Variants in KCNT2 observed in about 807,000 individuals in gnomAD.
The protein encoded by KCNT2 is potassium sodium-activated channel subfamily T member 2.
Under a neutral mutation model 153.8 loss-of-function variants are expected in KCNT2, and 67 were observed. The ratio of observed to expected loss-of-function variants is 0.44; its 90% confidence interval spans 0.36 to 0.53. The LOEUF is 0.53. KCNT2 is among the 20% of genes least tolerant of loss of function. The pLI, the probability that KCNT2 is intolerant of heterozygous loss-of-function variation, is 0.00. For missense variants in KCNT2, 975 were observed against 1,354.8 expected (o/e 0.72, Z 4.40); for synonymous variants, 500 against 458.8 (o/e 1.09, Z -1.15).
intron 8 of KCNT2, among the ~76,000 whole-genome samples, chr1:196,458,866 G>A (rs1289149227): frequency 2.0e-5 from 3 of 151,798 alleles, no homozygotes; most frequent in Non-Finnish European, 4.4e-5. Flanking sequence ...CACAGTTACT[G>A]GAAAAACTTA....
intron 1 of KCNT2, among the ~76,000 whole-genome samples, chr1:196,601,295 C>A (rs1664691537): frequency 6.6e-6 from 1 of 152,218 alleles, no homozygotes; most frequent in Non-Finnish European, 1.5e-5. Context: ...CATCTTCAAT[C>A]ATGCTCTCTC....
intron 22 of KCNT2, among the ~76,000 whole-genome samples, chr1:196,286,662 C>T (rs1659694906): frequency 6.6e-6 from 1 of 151,558 alleles, no homozygotes; most frequent in Admixed American, 6.6e-5. Flanking sequence ...CACACACACA[C>T]ACGTTGTTTA....
intron 11 of KCNT2, among the ~76,000 whole-genome samples, chr1:196,425,045 A>C (rs1172712535): frequency 6.6e-6 from 1 of 152,038 alleles, no homozygotes; most frequent in African/African-American, 2.4e-5. Context: ...GGACAACTCA[A>C]GGGTAAACAT....
chr1:196,356,255 A>T (rs1386289787), intron 14 of KCNT2, among the ~76,000 whole-genome samples: 1 of 151,738 alleles, frequency 6.6e-6, no homozygotes, highest in African/African-American at 2.4e-5. Flanking sequence ...TACATTCCAA[A>T]TACATATAAA....
intron 12 of KCNT2, among the ~76,000 whole-genome samples, chr1:196,419,337 C>T (rs1254529217): frequency 9.8e-6 from 1 of 101,762 alleles, no homozygotes; most frequent in Non-Finnish European, 1.9e-5. Context: ...TCCCCCCTCC[C>T]CCCACCCCAC....
chr1:196,561,678 G>GAAAAAAAAAAAAAAAAA (rs1659427672), intron 1 of KCNT2, among the ~76,000 whole-genome samples: 2 of 45,474 alleles, frequency 4.4e-5, no homozygotes, highest in African/African-American at 5.4e-5. Flanking sequence ...AAAAAAAAAA[G>GAAAAAAAAAAAAAAAAA]AAGAAGAAGA....
At chr1:196,519,355 A>G (rs1256798476) in intron 1 of KCNT2, among the ~76,000 whole-genome samples, 1 of 152,150 alleles carries the variant, frequency 6.6e-6, no homozygotes, top group Non-Finnish European at 1.5e-5. Flanking sequence ...AAAGATCTCA[A>G]ATTAACACCT....
intron 3 of KCNT2, among the ~76,000 whole-genome samples, chr1:196,488,872 T>C (rs1034923397): frequency 3.9e-5 from 6 of 152,034 alleles, no homozygotes; most frequent in African/African-American, 1.2e-4. Flanking sequence ...GATAAGTGAA[T>C]GGTAAAATCA....
chr1:196,264,823 G>T (rs1036554072), intron 25 of KCNT2, among the ~76,000 whole-genome samples: 6 of 152,130 alleles, frequency 3.9e-5, no homozygotes, highest in Non-Finnish European at 8.8e-5. Context: ...TAGAGATGGG[G>T]TTTCACCATG....
At chr1:196,477,299 G>C (rs191064000) in intron 5 of KCNT2, among the ~76,000 whole-genome samples, 20 of 152,196 alleles carry the variant, frequency 1.3e-4, no homozygotes, top group Admixed American at 7.2e-4. Flanking sequence ...TAAAAAGTGA[G>C]AGAGGGACAG....
At chr1:196,418,803 G>C (rs543417410) in intron 12 of KCNT2, among the ~76,000 whole-genome samples, 5 of 152,186 alleles carry the variant, frequency 3.3e-5, no homozygotes, top group African/African-American at 1.2e-4. Flanking sequence ...AGGAGTTAGG[G>C]CTCCAACAAG....
chr1:196,352,099 C>T (rs1407582802), intron 14 of KCNT2, among the ~76,000 whole-genome samples: 11 of 152,108 alleles, frequency 7.2e-5, no homozygotes, highest in Admixed American at 4.6e-4. Flanking sequence ...TTGCTGGATT[C>T]GGTTTGCCAG....
intron 13 of KCNT2, among the ~76,000 whole-genome samples, chr1:196,391,714 TAATC>T (rs1015144833): frequency 2.6e-5 from 4 of 151,318 alleles, no homozygotes; most frequent in Non-Finnish European, 4.4e-5. Flanking sequence ...CATTTAAAAA[TAATC>T]AACACCAATG....
intron 3 of KCNT2, among the ~76,000 whole-genome samples, chr1:196,489,202 CA>C (rs1175756897): frequency 6.6e-6 from 1 of 151,848 alleles, no homozygotes; most frequent in Admixed American, 6.6e-5. Context: ...GTAGAGTAGG[CA>C]AAAGTTAGAT....
intron 21 of KCNT2, among the ~76,000 whole-genome samples, chr1:196,311,095 C>T (rs924226046): frequency 2.6e-5 from 4 of 151,828 alleles, no homozygotes; most frequent in African/African-American, 9.7e-5. Context: ...AAGACATTCC[C>T]TGACCCATGG....
chr1:196,389,245 T>G (rs1670266078), intron 13 of KCNT2, among the ~76,000 whole-genome samples: 1 of 151,790 alleles, frequency 6.6e-6, no homozygotes, highest in Non-Finnish European at 1.5e-5. Context: ...ACTGATTTGT[T>G]GGAAGATTTT....
At position 196,598,580 on chromosome 1, in the gene KCNT2, G is replaced by A. The variant is rs1387662896; in HGVS notation, c.95+9635C>T. Among the ~76,000 whole-genome samples, 6 of 152,234 alleles carry A rather than the reference G, an allele frequency of 3.9e-5. No individual in the cohort carries two copies. The East Asian group carries it at 1.2e-3, about 29-fold the overall frequency. ...GATGCAAGAGCTGTATGACTTTTCTGACTTCAAAAGCCTTTAAATTTGTTT... is the reference window on the plus strand; with the variant it reads ...GATGCAAGAGCTGTATGACTTTTCTAACTTCAAAAGCCTTTAAATTTGTTT... On this transcript the variant is annotated intron_variant, in intron 1 of 27. Coordinates refer to ENST00000294725, the MANE Select transcript of KCNT2 (RefSeq NM_198503.5).
chr1:196,238,780 T>C (rs1249105353), intron 26 of KCNT2, among the ~76,000 whole-genome samples: 2 of 151,948 alleles, frequency 1.3e-5, no homozygotes, highest in East Asian at 1.9e-4. Flanking sequence ...TGCATACATA[T>C]GTAACAAACC....
At position 196,227,084 on chromosome 1, in the gene KCNT2, T is replaced by C. The variant is rs1312658447; in HGVS notation, c.*1140A>G. Reference sequence around the variant, plus strand: ...AAATTCTGCATGATTTGCATTAATGTTAAAAGCCAAGAACTACCTATTTTT... The same window carrying C: ...AAATTCTGCATGATTTGCATTAATGCTAAAAGCCAAGAACTACCTATTTTT... On this transcript the variant is annotated 3_prime_UTR_variant, in exon 28 of 28. Coordinates refer to ENST00000294725, the MANE Select transcript of KCNT2 (RefSeq NM_198503.5). 6.6e-6 allele frequency: 1 copy of C among 152,046 alleles called. No homozygotes were observed. Among genetic ancestry groups the C allele is most frequent in the Non-Finnish European group, 1.5e-5 (1 of 67,878 alleles). The allele number at this position is 152,046 out of a possible 1,614,324, so 9.4% of individuals were successfully genotyped here. A position where few individuals can be genotyped will look rare whatever the true frequency, so the allele number is the denominator to read the frequency against.
Sources: allele counts gnomAD v4.1 joint callset (sites outside exome capture counted in the v4.1 genomes callset), GRCh38; gene constraint gnomAD v4.1.1; transcripts MANE v1.5; gene names NCBI Gene and HGNC (gene_info 2026-07-23, HGNC 2026-07-21).